DLC1: variants seen among roughly 807,000 people sequenced by gnomAD.
The protein encoded by DLC1 is rho GTPase-activating protein 7.
A neutral mutation model predicts 140.3 loss-of-function variants in DLC1; 54 were observed. That is an observed-to-expected ratio of 0.38 (90% CI 0.31 to 0.48). The LOEUF is 0.48. Ranked by LOEUF, DLC1 falls within the 20% of genes least tolerant of loss-of-function variation. DLC1 has a pLI of 0.96. For missense variants in DLC1, 2,536 were observed against 1,907.0 expected (o/e 1.33, Z -6.14); for synonymous variants, 986 against 728.1 (o/e 1.35, Z -5.70).
chr8:13,371,586 T>TC (rs897585079), intron 4 of DLC1, among the ~76,000 whole-genome samples: 3 of 151,552 alleles, frequency 2.0e-5, no homozygotes, highest in Admixed American at 6.6e-5. Flanking sequence ...ACAATGACTT[T>TC]TTTTTTTTTT....
intron 15 of DLC1, among the ~76,000 whole-genome samples, chr8:13,089,342 C>T (rs1276818606): frequency 6.6e-6 from 1 of 150,570 alleles, no homozygotes; most frequent in Non-Finnish European, 1.5e-5. Context: ...AAATATCAGT[C>T]ACTGGCAGGG....
chr8:13,276,438 G>T, intron 5 of DLC1: 2 of 1,425,636 alleles, frequency 1.4e-6, no homozygotes, highest in South Asian at 1.5e-5. Context: ...CGGGCGCCGC[G>T]ACCATGCCTC....
At chr8:13,208,195 G>C (rs1333083578) in intron 5 of DLC1, among the ~76,000 whole-genome samples, 1 of 151,978 alleles carries the variant, frequency 6.6e-6, no homozygotes, top group Admixed American at 6.6e-5. Context: ...GTACTAAACT[G>C]TTTAAAACAT....
chr8:13,110,716 A>G, intron 7 of DLC1, 26 bp downstream of exon 7: 1 of 1,598,688 alleles, frequency 6.3e-7, no homozygotes, highest in Non-Finnish European at 8.5e-7. Context: ...ATAAAAAAGG[A>G]AAACACTCAA....
At chr8:13,414,824 G>A (rs1237312580) in intron 2 of DLC1, among the ~76,000 whole-genome samples, 3 of 151,886 alleles carry the variant, frequency 2.0e-5, no homozygotes, top group African/African-American at 7.3e-5. Context: ...TGAGGCTGGG[G>A]GGCAGGGACA....
chr8:13,308,032 A>G (rs1367623494), intron 4 of DLC1, among the ~76,000 whole-genome samples: 3 of 152,238 alleles, frequency 2.0e-5, no homozygotes, highest in African/African-American at 7.2e-5. Context: ...TGGCAAACAC[A>G]TTTAAGTCAA....
intron 4 of DLC1, among the ~76,000 whole-genome samples, chr8:13,388,857 G>T (rs1434853698): frequency 6.6e-6 from 1 of 152,032 alleles, no homozygotes; most frequent in South Asian, 2.1e-4. Context: ...TATGCTTGGA[G>T]GAGCCAGCCA....
intron 2 of DLC1, among the ~76,000 whole-genome samples, chr8:13,497,036 G>C (rs1193411947): frequency 1.4e-4 from 22 of 151,822 alleles, no homozygotes; most frequent in Admixed American, 1.4e-3. Flanking sequence ...TCCTGACCTC[G>C]TGATACGCCT....
chr8:13,131,857 C>G (rs1053034960), intron 5 of DLC1, among the ~76,000 whole-genome samples: 3 of 152,182 alleles, frequency 2.0e-5, no homozygotes, highest in Non-Finnish European at 4.4e-5. Context: ...ACCCCGTGTC[C>G]CCTCTCACTT....
At chr8:13,590,644 A>G (rs1041184102) in intron 1 of DLC1, among the ~76,000 whole-genome samples, 1 of 152,126 alleles carries the variant, frequency 6.6e-6, no homozygotes, top group African/African-American at 2.4e-5. Flanking sequence ...TTCTTTAGTA[A>G]TAAAATAATC....
Position 13,459,800 on chromosome 8 carries a change from A to T in DLC1, c.1023+39249T>A, listed in dbSNP as rs1265096790. On this transcript the variant is annotated intron_variant, in intron 2 of 17. Transcript: ENST00000276297. Reference sequence around the variant, plus strand: ...GAAAAACTGCTTCCTGTGAATAAGCATAATAAAACTTGAAGAATACAAATG... The same window carrying T: ...GAAAAACTGCTTCCTGTGAATAAGCTTAATAAAACTTGAAGAATACAAATG... Among the ~76,000 whole-genome samples the T allele has an allele frequency of 2.6e-5, 4 of 152,256 alleles. No homozygotes were observed. The East Asian group carries it at 7.7e-4, about 29-fold the overall frequency.
At chr8:13,503,669 C>A (rs995122337) in intron 1 of DLC1, among the ~76,000 whole-genome samples, 1 of 152,152 alleles carries the variant, frequency 6.6e-6, no homozygotes, top group Non-Finnish European at 1.5e-5. Flanking sequence ...GTCTGTAGAA[C>A]TGACAGTAGT....
At chr8:13,292,195 G>A (rs1831782347) in intron 5 of DLC1, among the ~76,000 whole-genome samples, 1 of 152,082 alleles carries the variant, frequency 6.6e-6, no homozygotes, top group Admixed American at 6.6e-5. Context: ...GAGTGTTGGA[G>A]TATCTCCTTT....
chr8:13,123,232 T>A (rs1201133646), intron 5 of DLC1, among the ~76,000 whole-genome samples: 1 of 152,162 alleles, frequency 6.6e-6, no homozygotes, highest in East Asian at 1.9e-4. Flanking sequence ...CTCCTAACAA[T>A]GTCCCACATG....
Position 13,499,787 on chromosome 8 carries a change from A to T in DLC1, c.285T>A (p.Asp95Glu). ...VDENDSHEGEDQFLSLEASTE... is the reference protein window; with the variant it reads ...VDENDSHEGEEQFLSLEASTE... ...TGCTGGCTTCCAGAGAAAGAAACTG[A>T]TCTTCACCTTCATGGCTGTCATTTT... Residue 95 changes from aspartate (D) to glutamate (E), a missense_variant, in exon 2 of 18, where the codon GAT (aspartate) becomes GAA (glutamate). Transcript: ENST00000276297. 1 of 1,614,044 alleles carries T rather than the reference A, an allele frequency of 6.2e-7. No homozygotes were observed. The highest frequency in any genetic ancestry group is 8.5e-7 in the Non-Finnish European group (1 of 1,179,984).
intron 5 of DLC1, among the ~76,000 whole-genome samples, chr8:13,133,720 G>A (rs1764784023): frequency 6.6e-6 from 1 of 152,004 alleles, no homozygotes; most frequent in South Asian, 2.1e-4. Context: ...AGTGTGCCTT[G>A]AGCGTCCCTT....
chr8:13,176,785 TG>T (rs1825782965), intron 5 of DLC1, among the ~76,000 whole-genome samples: 1 of 152,134 alleles, frequency 6.6e-6, no homozygotes, highest in Non-Finnish European at 1.5e-5. Context: ...CCTTCAAATA[TG>T]GAGATTGTCC....
At chr8:13,117,480 C>G (rs1166440085) in intron 5 of DLC1, among the ~76,000 whole-genome samples, 2 of 151,432 alleles carry the variant, frequency 1.3e-5, no homozygotes, top group African/African-American at 4.9e-5. Context: ...TCTGTAACCG[C>G]TAAAAAAAAA....
intron 7 of DLC1, among the ~76,000 whole-genome samples, chr8:13,109,481 T>C (rs1240283608): frequency 6.6e-6 from 1 of 151,832 alleles, no homozygotes; most frequent in African/African-American, 2.4e-5. Flanking sequence ...CACCTGTAGC[T>C]GGGAGGTCAA....
Sources: allele counts gnomAD v4.1 joint callset (sites outside exome capture counted in the v4.1 genomes callset), GRCh38; gene constraint gnomAD v4.1.1; transcripts MANE v1.5; gene names NCBI Gene and HGNC (gene_info 2026-07-23, HGNC 2026-07-21).